The following CORO2A variants were observed in gnomAD, a reference collection of about 807,000 sequenced individuals.
The protein encoded by CORO2A is coronin 2A.
CORO2A carries 47 observed loss-of-function variants against 62.4 expected under a neutral mutation model. The observed-to-expected ratio is 0.75, with a 90% CI of 0.60 to 0.96. CORO2A has a LOEUF of 0.96. CORO2A is among the 40% of genes least tolerant of loss of function. The probability of loss-of-function intolerance (pLI) is 0.00; values close to 1 mark genes in which losing one functional copy is unlikely to be tolerated. For synonymous variants in CORO2A, 273 were observed against 268.9 expected (o/e 1.02, Z -0.15); for missense variants, 610 against 684.1 (o/e 0.89, Z 1.21).
At chr9:98,177,453 CTT>C (rs944344622) in intron 1 of CORO2A, among the ~76,000 whole-genome samples, 2 of 121,802 alleles carry the variant, frequency 1.6e-5, no homozygotes, top group African/African-American at 7.5e-5. Flanking sequence ...GGGCTCCAAA[CTT>C]TGTTTTTTTT....
intron 4 of CORO2A, among the ~76,000 whole-genome samples, chr9:98,134,185 G>A (rs1827451844): frequency 6.6e-6 from 1 of 152,192 alleles, no homozygotes; most frequent in Non-Finnish European, 1.5e-5. Context: ...GGGAAACTGA[G>A]GCCTAGAGAA....
chr9:98,132,328 G>A, intron 5 of CORO2A, 27 bp from the exon 6 acceptor site: 1 of 1,589,726 alleles, frequency 6.3e-7, no homozygotes, highest in Non-Finnish European at 8.6e-7. Context: ...GGTCGGTATT[G>A]GAGAGACAGT....
intron 2 of CORO2A, among the ~76,000 whole-genome samples, chr9:98,154,113 G>A (rs564453769): frequency 2.8e-4 from 43 of 151,928 alleles, no homozygotes; most frequent in African/African-American, 1.0e-3. Flanking sequence ...CCATCTTCAT[G>A]AGTGAGATTG....
rs1828112621 is a variant in CORO2A at position 98,176,656 on chromosome 9, C to T, written c.-1+15903G>A. Among the ~76,000 whole-genome samples the T allele has an allele frequency of 2.6e-5, 4 of 152,096 alleles. No homozygotes were observed. In the South Asian group the frequency reaches 8.3e-4, roughly 32 times the overall value. ...CCCATGTCCTCCCCATTTTGGTTGC[C>T]CATGTGCTCCAAGCTCTCCCCATCT... On this transcript the variant is annotated intron_variant, in intron 1 of 11. Coordinates refer to ENST00000375077, the MANE Select transcript of CORO2A (RefSeq NM_052820.4).
At chr9:98,183,051 T>G (rs975785996) in intron 1 of CORO2A, among the ~76,000 whole-genome samples, 10 of 152,370 alleles carry the variant, frequency 6.6e-5, no homozygotes, top group Middle Eastern at 3.4e-3. Context: ...AAGGGTCTAT[T>G]GAGGCCTAGC....
rs745806635 is a variant in CORO2A, at chr9:98,121,230, C to T, written c.*3544G>A. Reference sequence around the variant, plus strand: ...GTTTCAGGAAGCACAATTATTGTAGCGTTAAGGTGGATACCTGCCAAAGCT... The same window carrying T: ...GTTTCAGGAAGCACAATTATTGTAGTGTTAAGGTGGATACCTGCCAAAGCT... On this transcript the variant is annotated 3_prime_UTR_variant, in exon 12 of 12. Coordinates refer to ENST00000375077, the MANE Select transcript of CORO2A (RefSeq NM_052820.4). 7 of 152,114 alleles carry T rather than the reference C, an allele frequency of 4.6e-5. No homozygotes were observed. The highest frequency in any genetic ancestry group is 7.3e-5 in the Non-Finnish European group (5 of 68,032). The allele number at this position is 152,114 out of a possible 1,614,324, so 9.4% of individuals were successfully genotyped here.
intron 2 of CORO2A, among the ~76,000 whole-genome samples, chr9:98,144,063 C>A (rs1827609870): frequency 6.6e-6 from 1 of 152,060 alleles, no homozygotes; most frequent in South Asian, 2.1e-4. Context: ...GGGATGCACA[C>A]CTGTGGTCCC....
At chr9:98,130,331 C>T (rs1414057868) in intron 7 of CORO2A, among the ~76,000 whole-genome samples, 1 of 152,214 alleles carries the variant, frequency 6.6e-6, no homozygotes, top group South Asian at 2.1e-4. Context: ...AAGTGATTCT[C>T]CCACCTTGGC....
At chr9:98,173,259 C>T (rs894641797) in intron 1 of CORO2A, among the ~76,000 whole-genome samples, 1 of 152,290 alleles carries the variant, frequency 6.6e-6, no homozygotes, top group African/African-American at 2.4e-5. Context: ...ACTAGGAAGC[C>T]GCTGGCCCAG....
At chr9:98,153,962 T>C (rs1050997459) in intron 2 of CORO2A, among the ~76,000 whole-genome samples, 5 of 152,180 alleles carry the variant, frequency 3.3e-5, no homozygotes, top group Admixed American at 6.5e-5. Flanking sequence ...CATGATCATA[T>C]GGTTTTTCCT....
chr9:98,122,962 C>T lies in CORO2A; in HGVS notation c.*1812G>A, dbSNP rs1827262813. On this transcript the variant is annotated 3_prime_UTR_variant, in exon 12 of 12. Transcript: ENST00000375077. ...TGTTGTAGAATTGGGTTGAATGCCT[C>T]TGACCCCTTGCCAGTGTCCGTTAGT... 1 of 152,302 alleles carries T rather than the reference C, an allele frequency of 6.6e-6. No individual in the cohort carries two copies. Among genetic ancestry groups the T allele is most frequent in the Non-Finnish European group, 1.5e-5 (1 of 68,088 alleles). 9.4% of individuals were successfully genotyped at this position (152,302 alleles called of 1,614,324 possible). A position where few individuals can be genotyped will look rare whatever the true frequency, so the allele number is the denominator to read the frequency against.
intron 2 of CORO2A, among the ~76,000 whole-genome samples, chr9:98,153,731 G>A (rs2118865756): frequency 6.7e-6 from 1 of 149,210 alleles, no homozygotes; most frequent in South Asian, 2.1e-4. Flanking sequence ...GTTAAAACCG[G>A]TAAACCAGGT....
rs1319393097 is a variant in CORO2A, at chr9:98,124,933, T to G, written c.1447-28A>C. 1.9e-6 allele frequency: 3 copies of G among 1,552,330 alleles called. No individual in the cohort carries two copies. The African/African-American group carries it at 4.1e-5, about 21-fold the overall frequency. ...GGGGAAGAAAGATCGGAAGGCAGGA[T>G]CACCATGGTGTCAGGACACCAGCTG... On this transcript the variant is annotated intron_variant, in intron 11 of 11. Transcript: ENST00000375077.
intron 1 of CORO2A, among the ~76,000 whole-genome samples, chr9:98,166,833 C>T (rs1395780470): frequency 1.3e-5 from 2 of 152,156 alleles, no homozygotes; most frequent in East Asian, 3.9e-4. Flanking sequence ...GAATAATATT[C>T]AACCTTCAAA....
chr9:98,145,824 T>G (rs1290837929), intron 2 of CORO2A, among the ~76,000 whole-genome samples: 2 of 152,212 alleles, frequency 1.3e-5, no homozygotes, highest in Non-Finnish European at 2.9e-5. Flanking sequence ...GTGATTCTCC[T>G]GCCTCAGCCT....
chr9:98,160,564 AAAC>A (rs1455877130), intron 1 of CORO2A, among the ~76,000 whole-genome samples: 3 of 152,226 alleles, frequency 2.0e-5, no homozygotes, highest in South Asian at 2.1e-4. Context: ...CCTTGGAAAG[AAAC>A]AACAAGGACA....
chr9:98,137,722 G>C lies in CORO2A; in HGVS notation c.202-34C>G, dbSNP rs371477135. The C allele has an allele frequency of 5.7e-5, 86 of 1,506,978 alleles. No individual in the cohort carries two copies. The African/African-American group carries it at 9.0e-4, about 16-fold the overall frequency. The allele number at this position is 1,506,978 out of a possible 1,614,324, so 93.4% of individuals were successfully genotyped here. On this transcript the variant is annotated intron_variant, in intron 2 of 11. Coordinates refer to ENST00000375077, the MANE Select transcript of CORO2A (RefSeq NM_052820.4). ...CAGTGCCCAGGAGGGTTGGGGAGGA[G>C]GTGGATTCCACATTAGCATCTGGAC...
chr9:98,158,454 G>A (rs961811877), intron 1 of CORO2A, among the ~76,000 whole-genome samples: 19 of 152,046 alleles, frequency 1.2e-4, no homozygotes, highest in African/African-American at 3.6e-4. Flanking sequence ...TTTGCTCCTC[G>A]TCCAGCCTTA....
At chr9:98,155,175 A>G (rs139813409) in intron 2 of CORO2A, among the ~76,000 whole-genome samples, 146 of 152,238 alleles carry the variant, frequency 9.6e-4, no homozygotes, top group African/African-American at 2.8e-3. Context: ...CTTATTAGCC[A>G]TTTGGATTTT....
Sources: gnomAD v4.1 joint callset for allele counts (sites outside exome capture counted in the v4.1 genomes callset) on GRCh38, gnomAD v4.1.1 for gene constraint, MANE v1.5 for transcripts, NCBI Gene and HGNC (gene_info 2026-07-23, HGNC 2026-07-21) for gene names.